Variants in KHDRBS3 observed in about 807,000 individuals in gnomAD.
KHDRBS3 encodes the protein KH RNA binding domain containing, signal transduction associated 3, also known as KH domain-containing, RNA-binding, signal transduction-associated protein 3.
A neutral mutation model predicts 45.6 loss-of-function variants in KHDRBS3; 23 were observed. The observed-to-expected ratio is 0.50, with a 90% CI of 0.36 to 0.72. The LOEUF (loss-of-function observed/expected upper bound fraction) is 0.72, where lower values mean the gene tolerates loss of function less well. Ranked by LOEUF, KHDRBS3 falls within the 30% of genes least tolerant of loss-of-function variation. KHDRBS3 has a pLI of 0.00. For missense variants in KHDRBS3, 352 were observed against 424.8 expected (o/e 0.83, Z 1.51); for synonymous variants, 162 against 156.5 (o/e 1.04, Z -0.26).
intron 1 of KHDRBS3, among the ~76,000 whole-genome samples, chr8:135,492,238 C>T (rs1261989334): frequency 7.9e-5 from 12 of 151,952 alleles, no homozygotes; most frequent in Admixed American, 7.9e-4. Flanking sequence ...ATTATTAGCA[C>T]TAGATACGTG....
Position 135,607,004 on chromosome 8 carries a change from C to T in KHDRBS3, c.857C>T (p.Ser286Phe). 6.2e-7 allele frequency: 1 copy of T among 1,613,452 alleles called. No individual in the cohort carries two copies. Among genetic ancestry groups the T allele is most frequent in the Non-Finnish European group, 8.5e-7 (1 of 1,179,596 alleles). ...GCTTATGATGAACAGAGTTATGATT[C>T]CTATGATAACAGCTATAGCACCCCA... is the stretch of plus-strand genomic sequence containing the variant. ...GTAYDEQSYDSYDNSYSTPAQ... is the reference protein window; with the variant it reads ...GTAYDEQSYDFYDNSYSTPAQ... The change falls in exon 7 of 9, where the codon TCC (serine) becomes TTC (phenylalanine). Residue 286 changes from serine to phenylalanine, a missense_variant. Transcript: ENST00000355849.
chr8:135,655,130 T>C (rs949237295), intron 4 of KHDRBS3, among the ~76,000 whole-genome samples: 2 of 152,250 alleles, frequency 1.3e-5, no homozygotes, highest in Non-Finnish European at 1.5e-5. Context: ...TATTGGTTAA[T>C]TAAGGCAATG....
At position 135,548,753 on chromosome 8, in the gene KHDRBS3, G is replaced by A; in HGVS notation, c.325-1G>A. The A allele has an allele frequency of 6.7e-7, 1 of 1,498,016 alleles. No individual in the cohort carries two copies. The highest frequency in any genetic ancestry group is 8.9e-7 in the Non-Finnish European group (1 of 1,122,820). 92.8% of individuals were successfully genotyped at this position (1,498,016 alleles called of 1,614,324 possible). A position where few individuals can be genotyped will look rare whatever the true frequency, so the allele number is the denominator to read the frequency against. Reference sequence around the variant, plus strand: ...TGTGATTTCTTTTTTCCTTTTTCCAGGAAGAAGAGTTGAGGAAAAGTGGAG... The same window carrying A: ...TGTGATTTCTTTTTTCCTTTTTCCAAGAAGAAGAGTTGAGGAAAAGTGGAG... On this transcript the variant is annotated splice_acceptor_variant, in intron 3 of 8. Coordinates refer to ENST00000355849, the MANE Select transcript of KHDRBS3 (RefSeq NM_006558.3). LOFTEE classifies it high-confidence loss of function.
intron 1 of KHDRBS3, among the ~76,000 whole-genome samples, chr8:135,480,839 A>T (rs1040431288): frequency 2.0e-5 from 3 of 152,160 alleles, no homozygotes; most frequent in African/African-American, 7.2e-5. Context: ...GTAGTACTTC[A>T]TGTTACATAT....
intron 3 of KHDRBS3, 34 bp from the exon 4 acceptor site, chr8:135,548,719 GT>G (rs1826434086): frequency 7.0e-7 from 1 of 1,425,316 alleles, no homozygotes; most frequent in South Asian, 1.6e-5. Context: ...ATAATGACAC[GT>G]TTTTAAATGT....
At chr8:135,497,996 G>T (rs1305260156) in intron 1 of KHDRBS3, among the ~76,000 whole-genome samples, 1 of 152,138 alleles carries the variant, frequency 6.6e-6, no homozygotes, top group Non-Finnish European at 1.5e-5. Context: ...TGGCATGATG[G>T]TGCCTTCCTT....
chr8:135,624,269 G>A (rs1830266751), intron 7 of KHDRBS3, among the ~76,000 whole-genome samples: 1 of 152,122 alleles, frequency 6.6e-6, no homozygotes, highest in African/African-American at 2.4e-5. Flanking sequence ...AGCCAAAGAG[G>A]AGTCCCCAGT....
intron 7 of KHDRBS3, among the ~76,000 whole-genome samples, chr8:135,613,945 T>A (rs1331798375): frequency 6.6e-6 from 1 of 151,770 alleles, no homozygotes; most frequent in Non-Finnish European, 1.5e-5. Flanking sequence ...TTTTACAGAT[T>A]AGGAATTTTT....
At chr8:135,461,809 C>A (rs1354422527) in intron 1 of KHDRBS3, among the ~76,000 whole-genome samples, 2 of 152,114 alleles carry the variant, frequency 1.3e-5, no homozygotes, top group African/African-American at 2.4e-5. Flanking sequence ...TCGTTGATTA[C>A]AAGAGAAAGT....
intron 1 of KHDRBS3, among the ~76,000 whole-genome samples, chr8:135,508,881 G>T (rs2130564498): frequency 6.6e-6 from 1 of 152,104 alleles, no homozygotes; most frequent in East Asian, 1.9e-4. Flanking sequence ...TGTCATTTTT[G>T]ATTTAAGTAA....
chr8:135,531,992 T>C (rs1210337769), intron 2 of KHDRBS3, among the ~76,000 whole-genome samples: 1 of 152,190 alleles, frequency 6.6e-6, no homozygotes, highest in Non-Finnish European at 1.5e-5. Flanking sequence ...TACAAAGTGA[T>C]TGTTATTTTC....
At chr8:135,467,717 C>G (rs1259115406) in intron 1 of KHDRBS3, among the ~76,000 whole-genome samples, 1 of 152,246 alleles carries the variant, frequency 6.6e-6, no homozygotes, top group Non-Finnish European at 1.5e-5. Context: ...CACACCACGT[C>G]TGTGTCGTTA....
chr8:135,482,827 G>A (rs1163898807), intron 1 of KHDRBS3, among the ~76,000 whole-genome samples: 2 of 152,170 alleles, frequency 1.3e-5, no homozygotes, highest in African/African-American at 4.8e-5. Context: ...TAGCAGGGAT[G>A]TTGGGAGGTG....
chr8:135,649,192 T>A (rs1437681520), downstream of KHDRBS3, among the ~76,000 whole-genome samples: 1 of 152,020 alleles, frequency 6.6e-6, no homozygotes, highest in African/African-American at 2.4e-5. Flanking sequence ...TTTTCTTGAT[T>A]TTTTTTCTAA....
At chr8:135,497,025 C>G (rs894452830) in intron 1 of KHDRBS3, among the ~76,000 whole-genome samples, 17 of 152,198 alleles carry the variant, frequency 1.1e-4, no homozygotes, top group Non-Finnish European at 2.4e-4. Context: ...CTGCCACATT[C>G]TTTTGGTTCA....
In KHDRBS3 at chr8:135,490,481, A is replaced by G. The variant is rs111496550; in HGVS notation, c.89-30756A>G. ...TTTTAGGTTTATAGGCTGCCTGTACATATTGAAGGTTAGAGCCAGTTTTTG... is the reference window on the plus strand; with the variant it reads ...TTTTAGGTTTATAGGCTGCCTGTACGTATTGAAGGTTAGAGCCAGTTTTTG... On this transcript the variant is annotated intron_variant, in intron 1 of 8. Coordinates refer to ENST00000355849, the MANE Select transcript of KHDRBS3 (RefSeq NM_006558.3). Among the ~76,000 whole-genome samples, 619 of 152,284 alleles carry G rather than the reference A, an allele frequency of 4.1e-3. 10 individuals carry two copies. The highest frequency in any genetic ancestry group is 0.014 in the African/African-American group (561 of 41,548).
At chr8:135,516,570 T>TG (rs1824615936) in intron 1 of KHDRBS3, among the ~76,000 whole-genome samples, 1 of 149,032 alleles carries the variant, frequency 6.7e-6, no homozygotes, top group African/African-American at 2.5e-5. Context: ...GTTTCTTACA[T>TG]TGTGTGTGTG....
intron 8 of KHDRBS3, among the ~76,000 whole-genome samples, chr8:135,645,774 C>T (rs1393005504): frequency 2.0e-5 from 3 of 152,162 alleles, no homozygotes; most frequent in Non-Finnish European, 4.4e-5. Flanking sequence ...GTAAGAAGAG[C>T]CCTTGCCGCA....
intron 4 of KHDRBS3, chr8:135,550,084 T>C (rs575657989): frequency 6.6e-6 from 1 of 152,332 alleles, no homozygotes; most frequent in African/African-American, 2.4e-5. Flanking sequence ...CAGTTTTTCA[T>C]ATAAATGACT....
Sources: gnomAD v4.1 joint callset for allele counts (sites outside exome capture counted in the v4.1 genomes callset) on GRCh38, gnomAD v4.1.1 for gene constraint, MANE v1.5 for transcripts, NCBI Gene and HGNC (gene_info 2026-07-23, HGNC 2026-07-21) for gene names.